Variants in GRID2 observed in about 807,000 individuals in gnomAD.
The protein encoded by GRID2 is glutamate ionotropic receptor delta type subunit 2.
In GRID2, 33 loss-of-function variants were observed where a neutral mutation model predicts 114.8. The observed-to-expected ratio is 0.29, with a 90% confidence interval of 0.22 to 0.38. The LOEUF (loss-of-function observed/expected upper bound fraction) is 0.38, where lower values mean the gene tolerates loss of function less well. GRID2 is among the 10% of genes least tolerant of loss of function. The pLI is 1.00. For synonymous variants in GRID2, 505 were observed against 449.9 expected (o/e 1.12, Z -1.55); for missense variants, 1,184 against 1,257.7 (o/e 0.94, Z 0.89).
At chr4:93,145,087 C>G (rs1736088717) in intron 4 of GRID2, among the ~76,000 whole-genome samples, 1 of 152,056 alleles carries the variant, frequency 6.6e-6, no homozygotes, top group African/African-American at 2.4e-5. Flanking sequence ...TAGTTTTTAC[C>G]TGGCTGGCTC....
At chr4:92,395,500 G>C (rs1032071123) in intron 1 of GRID2, among the ~76,000 whole-genome samples, 5 of 151,494 alleles carry the variant, frequency 3.3e-5, no homozygotes, top group African/African-American at 4.8e-5. Context: ...TATCTGTAAT[G>C]GTTTATATAA....
chr4:93,792,777 G>T (rs1055266066), intron 1 of GRID2, among the ~76,000 whole-genome samples: 1 of 152,160 alleles, frequency 6.6e-6, no homozygotes, highest in Non-Finnish European at 1.5e-5. Flanking sequence ...TACAACAAGG[G>T]CATTTGTGAT....
At chr4:93,568,942 C>T (rs1189831426) in intron 13 of GRID2, among the ~76,000 whole-genome samples, 3 of 152,250 alleles carry the variant, frequency 2.0e-5, no homozygotes, top group South Asian at 2.1e-4. Context: ...CTCAACCCTG[C>T]GCAAGATTTA....
intron 3 of GRID2, among the ~76,000 whole-genome samples, chr4:93,092,031 C>G (rs1199428041): frequency 6.6e-6 from 1 of 152,104 alleles, no homozygotes; most frequent in Non-Finnish European, 1.5e-5. Context: ...TTTCTTGGAA[C>G]ATATTCATAA....
chr4:93,062,794 A>G (rs1385151416), intron 2 of GRID2, among the ~76,000 whole-genome samples: 1 of 152,016 alleles, frequency 6.6e-6, no homozygotes, highest in African/African-American at 2.4e-5. Flanking sequence ...TATTTTCTGT[A>G]TTCAGGAAAG....
rs779054312 is a variant in GRID2, at chr4:92,590,182, C to T, written c.140C>T (p.Ala47Val). Residue 47 changes from alanine (A) to valine (V), a missense_variant, in exon 2 of 16, where the codon GCG (alanine) becomes GTG (valine). Transcript: ENST00000282020. ...AAGGATGATGAGGTATTTCGCACTG[C>T]GGTTGGTGACCTTAACCAGAATGAG... The part of the protein sequence containing the change: ...AKKDDEVFRT[A>V]VGDLNQNEEI... 4.3e-6 allele frequency: 7 copies of T among 1,610,412 alleles called. No individual in the cohort carries two copies. In the East Asian group the frequency reaches 6.7e-5, roughly 15 times the overall value.
intron 1 of GRID2, among the ~76,000 whole-genome samples, chr4:92,509,088 A>C (rs1053250361): frequency 3.9e-5 from 6 of 151,934 alleles, no homozygotes; most frequent in Non-Finnish European, 5.9e-5. Context: ...ACAAACAAAC[A>C]AACCAAAAAA....
At chr4:92,310,382 T>C (rs1007472807) in intron 1 of GRID2, among the ~76,000 whole-genome samples, 2 of 151,994 alleles carry the variant, frequency 1.3e-5, no homozygotes, top group Admixed American at 6.6e-5. Context: ...GAATGAATGG[T>C]TTGTCTTATG....
At chr4:93,524,524 A>C (rs1730639866) in intron 13 of GRID2, among the ~76,000 whole-genome samples, 1 of 152,002 alleles carries the variant, frequency 6.6e-6, no homozygotes, top group South Asian at 2.1e-4. Context: ...AATTATTATT[A>C]AGACTTATTT....
intron 2 of GRID2, among the ~76,000 whole-genome samples, chr4:92,832,369 C>CT (rs1184445754): frequency 6.6e-5 from 10 of 152,020 alleles, no homozygotes; most frequent in South Asian, 2.1e-4. Flanking sequence ...AGGAGAATAT[C>CT]TTTTTTTGTT....
chr4:92,965,581 T>C (rs901669092), intron 2 of GRID2, among the ~76,000 whole-genome samples: 10 of 151,048 alleles, frequency 6.6e-5, no homozygotes, highest in African/African-American at 2.4e-4. Context: ...TGAGAGTAGA[T>C]GTTTACCTTG....
rs781528192 is a variant in GRID2 at position 92,304,692 on chromosome 4, C to A, written c.36C>A (p.Val12=). The change falls in exon 1 of 16, where the codon GTC becomes GTA. Residue 12 remains valine (V), a synonymous_variant. Coordinates refer to ENST00000282020, the MANE Select transcript of GRID2 (RefSeq NM_001510.4). ...EVFPFLLVLS[V]WWSRTWDSAN... Reference sequence around the variant, plus strand: ...TCCCCTTTCTCTTGGTTTTGTCCGTCTGGTGGTCTCGAACCTGGGACTCGG... The same window carrying A: ...TCCCCTTTCTCTTGGTTTTGTCCGTATGGTGGTCTCGAACCTGGGACTCGG... 4 of 1,613,474 alleles carry A rather than the reference C, an allele frequency of 2.5e-6. No homozygotes were observed. The African/African-American group carries it at 5.3e-5, about 22-fold the overall frequency.
chr4:93,594,628 C>T (rs1052940547), intron 13 of GRID2, among the ~76,000 whole-genome samples: 1 of 152,216 alleles, frequency 6.6e-6, no homozygotes, highest in African/African-American at 2.4e-5. Context: ...CAAGCCTGGG[C>T]AATGGCGGGC....
intron 1 of GRID2, among the ~76,000 whole-genome samples, chr4:92,520,321 G>A (rs1362533079): frequency 2.6e-5 from 4 of 151,504 alleles, no homozygotes; most frequent in African/African-American, 9.7e-5. Flanking sequence ...ACATGATGAG[G>A]AAATAAGAGA....
chr4:92,476,686 C>T (rs1722329456), intron 1 of GRID2, among the ~76,000 whole-genome samples: 1 of 152,000 alleles, frequency 6.6e-6, no homozygotes, highest in Non-Finnish European at 1.5e-5. Context: ...AAAAAAATTT[C>T]GTATGTTTTT....
chr4:93,637,077 A>G (rs1721476349), intron 14 of GRID2, among the ~76,000 whole-genome samples: 1 of 152,214 alleles, frequency 6.6e-6, no homozygotes, highest in African/African-American at 2.4e-5. Context: ...GGTCACAAAC[A>G]TAACTAGAAC....
chr4:93,306,105 T>C (rs1274386394), intron 8 of GRID2: 1 of 152,234 alleles, frequency 6.6e-6, no homozygotes, highest in Non-Finnish European at 1.5e-5. Context: ...TTTTTCTTTT[T>C]CTTAGTTTGC....
intron 2 of GRID2, among the ~76,000 whole-genome samples, chr4:92,962,099 A>G (rs919701893): frequency 9.9e-5 from 15 of 151,916 alleles, no homozygotes; most frequent in Non-Finnish European, 1.9e-4. Context: ...TAAAGTTCTT[A>G]GCATATAAAC....
At chr4:93,570,873 C>T (rs1184772368) in intron 13 of GRID2, among the ~76,000 whole-genome samples, 1 of 152,080 alleles carries the variant, frequency 6.6e-6, no homozygotes, top group Non-Finnish European at 1.5e-5. Flanking sequence ...CCCTGAATTC[C>T]TCTCATTGCC....
Sources: gnomAD v4.1 joint callset for allele counts (sites outside exome capture counted in the v4.1 genomes callset) on GRCh38, gnomAD v4.1.1 for gene constraint, MANE v1.5 for transcripts, NCBI Gene and HGNC (gene_info 2026-07-23, HGNC 2026-07-21) for gene names.